Variants in ELL3 observed in about 807,000 individuals in gnomAD.
ELL3 encodes the protein RNA polymerase II elongation factor ELL3.
In ELL3, 48 loss-of-function variants were observed where a neutral mutation model predicts 58.5. That is an observed-to-expected ratio of 0.82 (90% confidence interval 0.65 to 1.04). The LOEUF (loss-of-function observed/expected upper bound fraction) is 1.04, where lower values mean the gene tolerates loss of function less well. Among genes scored for constraint, ELL3 ranks in the 50% least tolerant of loss-of-function variants. ELL3 has a pLI of 0.00. For synonymous variants in ELL3, 174 were observed against 173.2 expected (o/e 1.00, Z -0.04); for missense variants, 458 against 478.4 (o/e 0.96, Z 0.40).
rs1039477199 is a variant in ELL3 at position 43,775,194 on chromosome 15, A to G, written c.645+112T>C. 2.8e-6 allele frequency: 3 copies of G among 1,086,282 alleles called. No homozygotes were observed. In the African/African-American group the frequency reaches 4.8e-5, roughly 17 times the overall value. The allele number at this position is 1,086,282 out of a possible 1,614,324, so 67.3% of individuals were successfully genotyped here. ...CTAAAAAAATTCCTCCCATATAACG[A>G]GCTTCCAATTTCTAAATTTTAGCTT... On this transcript the variant is annotated intron_variant, in intron 6 of 10. Transcript: ENST00000319359.
At position 43,776,508 on chromosome 15, in the gene ELL3, C is replaced by CT. The variant is rs2086918413; in HGVS notation, c.168_168+1insA (p.Tyr57IlefsTer28). 3 of 1,564,594 alleles carry CT rather than the reference C, an allele frequency of 1.9e-6. No homozygotes were observed. In the African/African-American group the frequency reaches 4.1e-5, roughly 21 times the overall value. ...CTCACACACCCTGAGCTCGCACTTA[C>CT]CCCTCGGTGGCCTTGGAAAGCAATC... On this transcript the variant is annotated frameshift_variant and splice_region_variant. Transcript: ENST00000319359. LOFTEE classifies it high-confidence loss of function.
chr15:43,776,029 T>TC lies in ELL3; in HGVS notation c.281+9dup, dbSNP rs763250234. ...AAACCCTTTCTTGCCGGCTACCTGT[T>TC]CCCCCTCACCTGAGGAAGCGTTGGC... On this transcript the variant is annotated intron_variant, in intron 3 of 10. Transcript: ENST00000319359. 238 of 1,613,690 alleles carry TC rather than the reference T, an allele frequency of 1.5e-4. No homozygotes were observed. In the Middle Eastern group the frequency reaches 1.7e-3, roughly 11 times the overall value.
chr15:43,776,208 C>A (rs1449751705), intron 2 of ELL3, 57 bp from the exon 3 acceptor site: 2 of 1,485,038 alleles, frequency 1.3e-6, no homozygotes, highest in African/African-American at 2.8e-5. Context: ...CCTCCTGCCG[C>A]CGCCACTCGT....
At chr15:43,776,370 C>A (rs2086917055) in intron 2 of ELL3, 139 bp downstream of exon 2, 1 of 1,394,268 alleles carries the variant, frequency 7.2e-7, no homozygotes, top group East Asian at 2.5e-5. Flanking sequence ...CCTCCTCGCC[C>A]CACTTGGAGT....
chr15:43,773,766 CTG>C (rs1184159045), intron 9 of ELL3, among the ~76,000 whole-genome samples: 5 of 151,964 alleles, frequency 3.3e-5, no homozygotes, highest in Admixed American at 2.6e-4. Context: ...CTTTGGGAGA[CTG>C]AGGTGGGTGG....
At chr15:43,773,807 G>A (rs1266406206) in intron 9 of ELL3, among the ~76,000 whole-genome samples, 1 of 151,904 alleles carries the variant, frequency 6.6e-6, no homozygotes, top group Non-Finnish European at 1.5e-5. Context: ...TTCAAGACCA[G>A]CCTGGCCAAC....
At position 43,775,290 on chromosome 15, in the gene ELL3, T is replaced by A. The variant is rs757523719; in HGVS notation, c.645+16A>T. The A allele has an allele frequency of 8.2e-6, 13 of 1,578,698 alleles. No individual in the cohort carries two copies. The highest frequency in any genetic ancestry group is 1.4e-5 in the African/African-American group (1 of 72,916). On this transcript the variant is annotated intron_variant, in intron 6 of 10. Coordinates refer to ENST00000319359, the MANE Select transcript of ELL3 (RefSeq NM_025165.3). ...ATTAATGTTACAAAAAAAAAGCCCT[T>A]GCCATTCTAACTTACCTTGTCCAGA...
At chr15:43,776,698 TTC>T (rs2086920773) in intron 1 of ELL3, 70 bp downstream of exon 1, 5 of 1,559,018 alleles carry the variant, frequency 3.2e-6, no homozygotes, top group Non-Finnish European at 4.4e-6. Flanking sequence ...CCCCTGCACC[TTC>T]TCCAGGGTCG....
intron 2 of ELL3, 174 bp downstream of exon 2, chr15:43,776,335 C>T: frequency 8.3e-7 from 1 of 1,201,486 alleles, no homozygotes; most frequent in Non-Finnish European, 1.2e-6. Context: ...CCTCAAACCA[C>T]AGCCCCCTGG....
intron 1 of ELL3, 45 bp downstream of exon 1, chr15:43,776,725 A>G: frequency 6.3e-7 from 1 of 1,578,190 alleles, no homozygotes; most frequent in Non-Finnish European, 8.6e-7. Context: ...CTGAGGCCCA[A>G]GGTCCCTAGG....
rs2086910081 is a variant in ELL3 at position 43,775,722 on chromosome 15, C to T, written c.483G>A (p.Glu161=). 1 of 1,614,008 alleles carries T rather than the reference C, an allele frequency of 6.2e-7. No individual in the cohort carries two copies. Among genetic ancestry groups the T allele is most frequent in the Admixed American group, 1.7e-5 (1 of 60,002 alleles). The change falls in exon 4 of 11, where the codon GAG becomes GAA. Residue 161 remains glutamate (E), a splice_region_variant and synonymous_variant. Coordinates refer to ENST00000319359, the MANE Select transcript of ELL3 (RefSeq NM_025165.3). The part of the protein sequence containing the change: ...AVSQPQMALE[E]VSVSDPLASN... ...CCCTGCAATTTCTGGCCTCACCCACCTCCTCTAGTGCCATCTGTGGCTGTG... is the reference window on the plus strand; with the variant it reads ...CCCTGCAATTTCTGGCCTCACCCACTTCCTCTAGTGCCATCTGTGGCTGTG...
In ELL3 at chr15:43,775,749, T is replaced by TA; in HGVS notation, c.455dup (p.Ser153IlefsTer108). 3.7e-6 allele frequency: 6 copies of TA among 1,614,214 alleles called. No individual in the cohort carries two copies. Among genetic ancestry groups the TA allele is most frequent in the Non-Finnish European group, 3.4e-6 (4 of 1,180,052 alleles). On this transcript the variant is annotated frameshift_variant, in exon 4 of 11. Coordinates refer to ENST00000319359, the MANE Select transcript of ELL3 (RefSeq NM_025165.3). LOFTEE classifies it high-confidence loss of function. ...CCTCTAGTGCCATCTGTGGCTGTGA[T>TA]ACTGCATCTCCTTCAGAATAGCCTC... is the stretch of plus-strand genomic sequence containing the variant.
At position 43,775,551 on chromosome 15, in the gene ELL3, C is replaced by T. The variant is rs201197535; in HGVS notation, c.543G>A (p.Arg181=). The change falls in exon 5 of 11, where the codon AGG becomes AGA. Residue 181 remains arginine (R), a synonymous_variant. Transcript: ENST00000319359. ...NQGQSLPGSS[R]EHMAQWEVRS... Reference sequence around the variant, plus strand: ...TCACTTCCCACTGTGCCATGTGCTCCCTTGAGGATCCTGGGAGTGACTGTC... The same window carrying T: ...TCACTTCCCACTGTGCCATGTGCTCTCTTGAGGATCCTGGGAGTGACTGTC... 1 of 1,614,176 alleles carries T rather than the reference C, an allele frequency of 6.2e-7. No homozygotes were observed. Among genetic ancestry groups the T allele is most frequent in the East Asian group, 2.2e-5 (1 of 44,892 alleles).
In ELL3 at chr15:43,776,432, AC is replaced by A. The variant is rs1449828082; in HGVS notation, c.168+76del. The stretch of plus-strand genomic sequence containing the variant: ...TGACTACTCGCAGCCTCCGGCCCCG[AC>A]CGCACCTTCCACCTCCAGCCCACGT... On this transcript the variant is annotated intron_variant, in intron 2 of 10. Coordinates refer to ENST00000319359, the MANE Select transcript of ELL3 (RefSeq NM_025165.3). 11 of 1,548,784 alleles carry A rather than the reference AC, an allele frequency of 7.1e-6. No individual in the cohort carries two copies. The African/African-American group carries it at 1.2e-4, about 17-fold the overall frequency.
chr15:43,774,868 C>T, intron 6 of ELL3, 95 bp from the exon 7 acceptor site: 1 of 1,345,096 alleles, frequency 7.4e-7, no homozygotes, highest in Non-Finnish European at 9.9e-7. Context: ...CACAGTGGCT[C>T]ATACCTGTAA....
chr15:43,774,466 A>G lies in ELL3; in HGVS notation c.866+10T>C. 6.2e-7 allele frequency: 1 copy of G among 1,614,116 alleles called. No homozygotes were observed. The highest frequency in any genetic ancestry group is 1.3e-5 in the African/African-American group (1 of 75,042). ...AGTCTTGATGAAATTGGAAAAAGCA[A>G]GGAACTCACAGGAGGTAGTCTGGTA... On this transcript the variant is annotated intron_variant, in intron 8 of 10. Coordinates refer to ENST00000319359, the MANE Select transcript of ELL3 (RefSeq NM_025165.3).
At chr15:43,776,223 G>A in intron 2 of ELL3, 72 bp from the exon 3 acceptor site, 1 of 1,394,864 alleles carries the variant, frequency 7.2e-7, no homozygotes, top group Non-Finnish European at 1.0e-6. Flanking sequence ...ACTCGTCCGG[G>A]AGCCAGTCCG....
At chr15:43,775,667 C>CTTCAG in intron 4 of ELL3, 55 bp downstream of exon 4, 1 of 1,614,076 alleles carries the variant, frequency 6.2e-7, no homozygotes. Flanking sequence ...ATACCTTGGA[C>CTTCAG]TTCAGGCTTT....
At position 43,776,801 on chromosome 15, in the gene ELL3, A is replaced by AG; in HGVS notation, c.100dup (p.Leu34ProfsTer51). On this transcript the variant is annotated frameshift_variant, in exon 1 of 11. Coordinates refer to ENST00000319359, the MANE Select transcript of ELL3 (RefSeq NM_025165.3). LOFTEE classifies it high-confidence loss of function. The stretch of plus-strand genomic sequence containing the variant: ...CCGCTGACACTCTTGCAGCGCCCGC[A>AG]GGGCAGCGTCGTTGAGCCTGAGCAG... 1.2e-6 allele frequency: 2 copies of AG among 1,610,126 alleles called. No homozygotes were observed. The highest frequency in any genetic ancestry group is 2.2e-5 in the South Asian group (2 of 90,658).
Sources: allele counts gnomAD v4.1 joint callset (sites outside exome capture counted in the v4.1 genomes callset), GRCh38; gene constraint gnomAD v4.1.1; transcripts MANE v1.5; gene names NCBI Gene and HGNC (gene_info 2026-07-23, HGNC 2026-07-21).